Variants in MLIP observed in about 807,000 individuals in gnomAD.
MLIP encodes the protein muscular LMNA interacting protein.
Under a neutral mutation model 84.8 loss-of-function variants are expected in MLIP, and 79 were observed. That is an observed-to-expected ratio of 0.93 (90% CI 0.78 to 1.12). MLIP has a LOEUF of 1.12. Ranked by LOEUF, MLIP falls within the 50% of genes most tolerant of loss-of-function variation. The pLI is 0.00. For missense variants in MLIP, 1,257 were observed against 1,160.6 expected, an observed-to-expected ratio of 1.08 and a Z score of -1.21; for synonymous variants, 504 against 463.0, an observed-to-expected ratio of 1.09 and a Z score of -1.14.
At chr6:54,110,115 TG>T (rs1769339113), upstream of MLIP, among the ~76,000 whole-genome samples, 1 of 151,596 alleles carries the variant, frequency 6.6e-6, no homozygotes, top group Non-Finnish European at 1.5e-5. Flanking sequence ...CCCGATTAGC[TG>T]GGACTACAGC....
rs149250563 is a variant in MLIP, at chr6:54,130,023, G to A, written c.645+5158G>A. ...CTTCCCACTGCTACCTCTCCATTTC[G>A]TTTCGTGCTTAGGGTGAGTACATGA... On this transcript the variant is annotated intron_variant, in intron 3 of 13. Transcript: ENST00000502396. Among the ~76,000 whole-genome samples, 16 of 152,018 alleles carry A rather than the reference G, an allele frequency of 1.1e-4. No homozygotes were observed. In the East Asian group the frequency reaches 1.2e-3, roughly 11 times the overall value.
intron 1 of MLIP, among the ~76,000 whole-genome samples, chr6:54,035,967 T>G (rs1183217445): frequency 6.6e-6 from 1 of 152,098 alleles, no homozygotes; most frequent in African/African-American, 2.4e-5. Context: ...AAGATTTTAA[T>G]TTCTCAGAGG....
At chr6:54,190,530 C>T (rs1441385001) in intron 10 of MLIP, among the ~76,000 whole-genome samples, 2 of 151,952 alleles carry the variant, frequency 1.3e-5, no homozygotes, top group Non-Finnish European at 2.9e-5. Context: ...GATATTTTTA[C>T]ATTACTTTTT....
At chr6:54,251,938 CAT>C (rs1326283027) in intron 12 of MLIP, among the ~76,000 whole-genome samples, 3 of 62,560 alleles carry the variant, frequency 4.8e-5, no homozygotes, top group Non-Finnish European at 7.4e-5. Flanking sequence ...TATATTATAA[CAT>C]ATAATATATA....
intron 11 of MLIP, chr6:54,217,912 A>G (rs1470634418): frequency 1.0e-6 from 1 of 985,282 alleles, no homozygotes; most frequent in Non-Finnish European, 1.2e-6. Context: ...TCTCTAAAGT[A>G]TTAGGTACCA....
chr6:54,109,991 CTT>C (rs11444915), upstream of MLIP, among the ~76,000 whole-genome samples: 1 of 69,306 alleles, frequency 1.4e-5, no homozygotes. Flanking sequence ...TTTTCTTTTT[CTT>C]TTTTTTTTTG....
Position 54,124,850 on chromosome 6 carries a change from G to T in MLIP, c.630G>T (p.Gln210His). 1 of 1,591,492 alleles carries T rather than the reference G, an allele frequency of 6.3e-7. No homozygotes were observed. Residue 210 changes from glutamine (Q) to histidine (H), a missense_variant, in exon 3 of 14, where the codon CAG becomes CAT. Coordinates refer to ENST00000502396, the MANE Select transcript of MLIP (RefSeq NM_001281747.2). ...HPEMLHGMAP[Q>H]QKHGQLTSSP... The stretch of plus-strand genomic sequence containing the variant: ...AAATGCTTCATGGGATGGCCCCTCA[G>T]CAAAAGCATGGGCAGGTAGGTTTTG...
intron 11 of MLIP, among the ~76,000 whole-genome samples, chr6:54,229,689 AG>A (rs1562084212): frequency 6.6e-6 from 1 of 152,238 alleles, no homozygotes; most frequent in Non-Finnish European, 1.5e-5. Context: ...GTCTCTGCAA[AG>A]AACATGATCT....
At chr6:54,146,315 T>C (rs1772826845) in intron 4 of MLIP, among the ~76,000 whole-genome samples, 1 of 152,184 alleles carries the variant, frequency 6.6e-6, no homozygotes, top group Admixed American at 6.5e-5. Flanking sequence ...ATGGAGGTGA[T>C]GATTTGATGA....
chr6:54,071,155 C>T (rs1045101839), intron 1 of MLIP, among the ~76,000 whole-genome samples: 4 of 152,026 alleles, frequency 2.6e-5, no homozygotes, highest in African/African-American at 9.6e-5. Flanking sequence ...AAATGGTTTA[C>T]ATAAAAATAA....
At chr6:54,073,040 T>C (rs1012031367) in intron 1 of MLIP, among the ~76,000 whole-genome samples, 4 of 152,188 alleles carry the variant, frequency 2.6e-5, no homozygotes, top group Non-Finnish European at 4.4e-5. Flanking sequence ...AGAAGTCCCA[T>C]GGCAGCAGTC....
rs548177961 is a variant in MLIP at position 54,067,395 on chromosome 6, G to T, written c.63+48304G>T. 4.0e-5 allele frequency among the ~76,000 whole-genome samples: 4 copies of T among 101,182 alleles called. 2 individuals are homozygous for T. The East Asian group carries it at 1.1e-3, about 27-fold the overall frequency. The allele number at this position is 101,182 out of a possible 152,430, so 66.4% of individuals were successfully genotyped here. On this transcript the variant is annotated intron_variant, in intron 1 of 12. Coordinates refer to the MLIP transcript ENST00000274897. Reference sequence around the variant, plus strand: ...CAAGTTCAACAAAATACACAGTTAGGCAGAAATAAAACAAAGGGGAAAATC... The same window carrying T: ...CAAGTTCAACAAAATACACAGTTAGTCAGAAATAAAACAAAGGGGAAAATC...
intron 1 of MLIP, among the ~76,000 whole-genome samples, chr6:54,057,237 C>G (rs191038167): frequency 6.6e-6 from 1 of 152,184 alleles, no homozygotes; most frequent in Admixed American, 6.5e-5. Context: ...CAACACATAA[C>G]AATTCCATAT....
intron 1 of MLIP, among the ~76,000 whole-genome samples, chr6:54,049,679 C>T (rs1240539922): frequency 6.6e-6 from 1 of 152,040 alleles, no homozygotes; most frequent in Admixed American, 6.6e-5. Context: ...CACTACTTAC[C>T]CCCAATCTCC....
At chr6:54,142,988 T>C (rs1200533992) in intron 4 of MLIP, among the ~76,000 whole-genome samples, 1 of 152,260 alleles carries the variant, frequency 6.6e-6, no homozygotes, top group East Asian at 1.9e-4. Context: ...CTCACTGTCA[T>C]TTACTCCACT....
intron 3 of MLIP, among the ~76,000 whole-genome samples, chr6:54,129,298 A>G (rs561561303): frequency 6.6e-6 from 1 of 152,194 alleles, no homozygotes; most frequent in African/African-American, 2.4e-5. Context: ...GTCTTACCCC[A>G]CTAGATTCCT....
At chr6:54,221,940 A>G (rs749313801) in intron 11 of MLIP, among the ~76,000 whole-genome samples, 1 of 152,110 alleles carries the variant, frequency 6.6e-6, no homozygotes, top group Non-Finnish European at 1.5e-5. Context: ...ATTAATAACA[A>G]AGTTAGAAAA....
At chr6:54,119,424 T>G (rs1288048427) in intron 1 of MLIP, among the ~76,000 whole-genome samples, 3 of 152,228 alleles carry the variant, frequency 2.0e-5, no homozygotes, top group African/African-American at 7.2e-5. Flanking sequence ...TTAAGTGGAA[T>G]AAGCCAGTTA....
At chr6:54,105,134 G>C (rs616579) in intron 1 of MLIP, among the ~76,000 whole-genome samples, 57,600 of 151,996 alleles carry the variant, frequency 0.38, 11,211 homozygotes, top group African/African-American at 0.46. Flanking sequence ...CAGGAGACCA[G>C]AACCTATTTT....
Sources: allele counts gnomAD v4.1 joint callset (sites outside exome capture counted in the v4.1 genomes callset), GRCh38; gene constraint gnomAD v4.1.1; transcripts MANE v1.5; gene names NCBI Gene and HGNC (gene_info 2026-07-23, HGNC 2026-07-21).